Variants in MSL3B observed in about 807,000 individuals in gnomAD.
MSL3B encodes the protein MSL complex subunit 3B.
chr2:233,866,888 A>G, the MSL3B span: 1 of 1,468,006 alleles, frequency 6.8e-7, no homozygotes, highest in Non-Finnish European at 9.6e-7. Flanking sequence ...AACCAACGGG[A>G]GAGTGTAATC....
the MSL3B span, among the ~76,000 whole-genome samples, chr2:233,867,633 G>T: frequency 6.6e-6 from 1 of 151,240 alleles, no homozygotes; most frequent in East Asian, 2.0e-4. Context: ...CCACCACCAT[G>T]TCCTGCTAAT....
chr2:233,868,359 G>A, the MSL3B span: 4 of 161,514 alleles, frequency 2.5e-5, no homozygotes, highest in African/African-American at 9.6e-5. Context: ...TCGGCGGCTT[G>A]CGTCCGCGTC....
At chr2:233,867,787 C>T in the MSL3B span, among the ~76,000 whole-genome samples, 1 of 128,870 alleles carries the variant, frequency 7.8e-6, no homozygotes, top group Non-Finnish European at 1.6e-5. Flanking sequence ...CCCTAATCTA[C>T]GATTTTTTTT....
the MSL3B span, chr2:233,866,375 C>T: frequency 1.1e-6 from 1 of 915,722 alleles, no homozygotes; most frequent in Non-Finnish European, 1.8e-6. Context: ...TGGCTGGTCA[C>T]CTGGTGGGTA....
the MSL3B span, chr2:233,866,208 C>T: frequency 1.5e-6 from 1 of 667,126 alleles, no homozygotes; most frequent in Non-Finnish European, 2.9e-6. Context: ...GGGAAGAAGT[C>T]ATCGTGGTAT....
the MSL3B span, chr2:233,866,803 ACTTTC>A: frequency 2.3e-6 from 2 of 876,944 alleles, no homozygotes; most frequent in Non-Finnish European, 4.0e-6. Flanking sequence ...TATTTGTGGC[ACTTTC>A]CTTAATTGCA....
At chr2:233,865,320 A>G in the MSL3B span, 1 of 152,162 alleles carries the variant, frequency 6.6e-6, no homozygotes, top group East Asian at 1.9e-4. Flanking sequence ...TATATAATAT[A>G]TATTTTCCTA....
the MSL3B span, among the ~76,000 whole-genome samples, chr2:233,867,659 G>A: frequency 2.0e-5 from 3 of 151,436 alleles, no homozygotes; most frequent in Non-Finnish European, 4.4e-5. Flanking sequence ...TGTATTTTTA[G>A]CAGAGACGGG....
At chr2:233,867,132 AATC>A in the MSL3B span, 1 of 833,428 alleles carries the variant, frequency 1.2e-6, no homozygotes, top group East Asian at 2.4e-5. Context: ...ATGTAGTAAC[AATC>A]ATCCTCCAGC....
chr2:233,864,922 C>G, the MSL3B span, among the ~76,000 whole-genome samples: 1 of 121,712 alleles, frequency 8.2e-6, no homozygotes, highest in Non-Finnish European at 2.0e-5. Context: ...TCCATCTGGA[C>G]ACTTACGGGT....
At chr2:233,866,780 T>C in the MSL3B span, 12 of 819,776 alleles carry the variant, frequency 1.5e-5, no homozygotes, top group African/African-American at 1.0e-4. Flanking sequence ...GAGCTTCTCC[T>C]GGCTCCTATT....
chr2:233,865,981 A>G, the MSL3B span: 1 of 370,398 alleles, frequency 2.7e-6, no homozygotes, highest in South Asian at 2.1e-5. Context: ...TACATGGGGA[A>G]CTCAAACAAC....
chr2:233,867,810 T>TTTTG, the MSL3B span, among the ~76,000 whole-genome samples: 5 of 126,148 alleles, frequency 4.0e-5, no homozygotes, highest in African/African-American at 1.4e-4. Flanking sequence ...TTTTTTTTTT[T>TTTTG]GAGACAGAGT....
At chr2:233,867,016 A>G in the MSL3B span, 1 of 1,279,220 alleles carries the variant, frequency 7.8e-7, no homozygotes, top group South Asian at 1.2e-5. Context: ...GAGGCCTCTC[A>G]TTGGCTGAAA....
chr2:233,865,502 C>T, the MSL3B span: 1 of 152,036 alleles, frequency 6.6e-6, no homozygotes, highest in Non-Finnish European at 1.5e-5. Flanking sequence ...GAAAGGGAAC[C>T]GTAACATTAC....
the MSL3B span, among the ~76,000 whole-genome samples, chr2:233,867,925 G>A: frequency 6.6e-6 from 1 of 150,966 alleles, no homozygotes; most frequent in Admixed American, 6.6e-5. Context: ...CAAATAGCTG[G>A]GATTACAGGC....
At chr2:233,868,179 AT>A in the MSL3B span, 1 of 450,080 alleles carries the variant, frequency 2.2e-6, no homozygotes, top group Non-Finnish European at 4.6e-6. Context: ...CGGATCAGCT[AT>A]TCTGGGATCT....
chr2:233,866,100 T>C, the MSL3B span: 2 of 539,922 alleles, frequency 3.7e-6, no homozygotes, highest in East Asian at 9.2e-5. Context: ...CCATGCTAGA[T>C]GGAGCAGTTG....
chr2:233,868,304 T>C, the MSL3B span: 1 of 248,608 alleles, frequency 4.0e-6, no homozygotes, highest in East Asian at 1.1e-4. Flanking sequence ...CAGGGGAGAT[T>C]TAACGCGAAG....
Sources: gnomAD v4.1 joint callset for allele counts (sites outside exome capture counted in the v4.1 genomes callset) on GRCh38, gnomAD v4.1.1 for gene constraint, MANE v1.5 for transcripts, NCBI Gene and HGNC (gene_info 2026-07-23, HGNC 2026-07-21) for gene names.